RSBN1L: variants seen among roughly 807,000 people sequenced by gnomAD.
RSBN1L encodes lysine-specific demethylase RSBN1L.
RSBN1L carries 30 observed loss-of-function variants against 67.7 expected under a neutral mutation model. That is an observed-to-expected ratio of 0.44 (90% CI 0.33 to 0.60). The LOEUF is 0.60. Ranked by LOEUF, RSBN1L falls within the 20% of genes least tolerant of loss-of-function variation. RSBN1L has a pLI of 0.02. For missense variants in RSBN1L, 992 were observed against 1,031.7 expected (o/e 0.96, Z 0.53); for synonymous variants, 433 against 387.0 (o/e 1.12, Z -1.39).
At chr7:77,700,686 G>C (rs1188576823) in intron 1 of RSBN1L, among the ~76,000 whole-genome samples, 1 of 152,084 alleles carries the variant, frequency 6.6e-6, no homozygotes, top group African/African-American at 2.4e-5. Flanking sequence ...AATTTACTAT[G>C]ATTTTATTTT....
At chr7:77,770,203 G>A (rs971668039) in intron 5 of RSBN1L, among the ~76,000 whole-genome samples, 6 of 151,960 alleles carry the variant, frequency 3.9e-5, no homozygotes, top group Non-Finnish European at 7.4e-5. Flanking sequence ...AGGAAACCCC[G>A]TCTCTACTAA....
chr7:77,703,946 C>T (rs1790854773), intron 1 of RSBN1L, among the ~76,000 whole-genome samples: 1 of 152,096 alleles, frequency 6.6e-6, no homozygotes, highest in African/African-American at 2.4e-5. Flanking sequence ...TGCAACCACG[C>T]CCCGATACAC....
chr7:77,765,492 C>T lies in RSBN1L; in HGVS notation c.1345-3C>T, dbSNP rs760879520. The T allele has an allele frequency of 2.6e-6, 4 of 1,527,476 alleles. No homozygotes were observed. Among genetic ancestry groups the T allele is most frequent in the South Asian group, 2.7e-5 (2 of 75,344 alleles). 94.6% of individuals were successfully genotyped at this position (1,527,476 alleles called of 1,614,324 possible). On this transcript the variant is annotated splice_polypyrimidine_tract_variant and splice_region_variant and intron_variant, in intron 3 of 7. Coordinates refer to ENST00000334955, the MANE Select transcript of RSBN1L (RefSeq NM_198467.3). ...ACTTTTAATTAAATCCATGTTTCTT[C>T]AGGTAAAAAGAACGTATTCTCATGG...
chr7:77,775,402 G>T (rs534453522), intron 6 of RSBN1L, among the ~76,000 whole-genome samples: 3 of 152,206 alleles, frequency 2.0e-5, no homozygotes, highest in East Asian at 1.9e-4. Context: ...GGGCATGCAT[G>T]CCTATAACGC....
intron 3 of RSBN1L, among the ~76,000 whole-genome samples, chr7:77,763,475 A>T (rs1430490581): frequency 1.3e-5 from 2 of 152,180 alleles, no homozygotes; most frequent in Non-Finnish European, 1.5e-5. Flanking sequence ...TAGAGTTGAG[A>T]TTGATACCCT....
intron 3 of RSBN1L, among the ~76,000 whole-genome samples, chr7:77,757,499 G>A (rs568873948): frequency 4.5e-4 from 69 of 152,320 alleles, no homozygotes; most frequent in Non-Finnish European, 6.5e-4. Flanking sequence ...TTTTCCCAAA[G>A]TTTGTAACCT....
Position 77,779,148 on chromosome 7 carries a change from G to C in RSBN1L, c.2521G>C (p.Asp841His). ...SSAHSNQDKK[D>H]DDILC ...AGCACATTCAAATCAAGATAAAAAA[G>C]ACGATGACATTTTGTGCTAAATTTG... Residue 841 changes from aspartate (D) to histidine (H), a missense_variant, in exon 8 of 8, where the codon GAC (aspartate) becomes CAC (histidine). This residue lies in a region of RSBN1L where 199 missense variants were observed against 167.7 expected (regional missense o/e 1.19). Coordinates refer to ENST00000334955, the MANE Select transcript of RSBN1L (RefSeq NM_198467.3). The C allele has an allele frequency of 6.3e-7, 1 of 1,582,332 alleles. No homozygotes were observed.
At position 77,696,974 on chromosome 7, in the gene RSBN1L, A is replaced by C. The variant is rs777264065; in HGVS notation, c.505A>C (p.Arg169=). Residue 169 remains arginine (R), a synonymous_variant, in exon 1 of 8, where the codon AGG becomes CGG. Transcript: ENST00000334955. The part of the protein sequence containing the change: ...RPKEKREKER[R]RHGLGGAREA... Reference sequence around the variant, plus strand: ...TAAGGAGAAGCGGGAGAAGGAGAGGAGGAGGCACGGTCTCGGTGGGGCCCG... The same window carrying C: ...TAAGGAGAAGCGGGAGAAGGAGAGGCGGAGGCACGGTCTCGGTGGGGCCCG... 1.3e-6 allele frequency: 2 copies of C among 1,561,786 alleles called. No homozygotes were observed. Among genetic ancestry groups the C allele is most frequent in the Non-Finnish European group, 8.6e-7 (1 of 1,162,030 alleles).
chr7:77,713,181 A>G (rs1790998018), intron 1 of RSBN1L, among the ~76,000 whole-genome samples: 1 of 151,966 alleles, frequency 6.6e-6, no homozygotes, highest in African/African-American at 2.4e-5. Flanking sequence ...GATTTGTGAA[A>G]CTTTGTATAT....
At chr7:77,770,448 G>A (rs528945698) in intron 5 of RSBN1L, among the ~76,000 whole-genome samples, 100 of 152,108 alleles carry the variant, frequency 6.6e-4, no homozygotes, top group Non-Finnish European at 7.2e-4. Flanking sequence ...GGGTGGCCGA[G>A]GTGGGAGGAT....
intron 1 of RSBN1L, among the ~76,000 whole-genome samples, chr7:77,719,935 T>C (rs1584280272): frequency 6.6e-6 from 1 of 152,160 alleles, no homozygotes; most frequent in Non-Finnish European, 1.5e-5. Context: ...TGGCTAATTA[T>C]TGTATTTTCC....
chr7:77,696,613 G>T lies in RSBN1L; in HGVS notation c.144G>T (p.Glu48Asp). ...GSLSAKKVRT[E>D]EKKAPRRVNG... ...TGTCCGCCAAGAAGGTCCGGACTGA[G>T]GAGAAGAAGGCACCGCGGAGAGTGA... The change falls in exon 1 of 8, where the codon GAG (glutamate) becomes GAT (aspartate). Residue 48 changes from glutamate to aspartate, a missense_variant. Transcript: ENST00000334955. 6.2e-7 allele frequency: 1 copy of T among 1,614,088 alleles called. No homozygotes were observed. The highest frequency in any genetic ancestry group is 8.5e-7 in the Non-Finnish European group (1 of 1,179,992).
intron 3 of RSBN1L, among the ~76,000 whole-genome samples, chr7:77,756,154 CAG>C (rs1274283029): frequency 1.2e-4 from 18 of 151,374 alleles, no homozygotes; most frequent in African/African-American, 4.1e-4. Context: ...TTTTTTGAGA[CAG>C]AGTCTAGCTC....
chr7:77,764,963 A>G (rs1562808485), intron 3 of RSBN1L, among the ~76,000 whole-genome samples: 1 of 152,106 alleles, frequency 6.6e-6, no homozygotes, highest in Non-Finnish European at 1.5e-5. Flanking sequence ...TTCTCATGAG[A>G]GTTAATAATA....
At chr7:77,726,943 G>A (rs1429546811) in intron 1 of RSBN1L, among the ~76,000 whole-genome samples, 3 of 151,186 alleles carry the variant, frequency 2.0e-5, no homozygotes, top group Non-Finnish European at 2.9e-5. Flanking sequence ...CACTGTGCCC[G>A]GCCTAATTTT....
At chr7:77,760,310 A>G (rs1028696847) in intron 3 of RSBN1L, among the ~76,000 whole-genome samples, 2 of 152,172 alleles carry the variant, frequency 1.3e-5, no homozygotes, top group Non-Finnish European at 2.9e-5. Flanking sequence ...GGCAATGGGT[A>G]CAATAGGTCT....
intron 1 of RSBN1L, among the ~76,000 whole-genome samples, chr7:77,710,555 G>A (rs550062327): frequency 2.0e-5 from 3 of 151,904 alleles, no homozygotes; most frequent in African/African-American, 7.3e-5. Flanking sequence ...CCTTCACTTT[G>A]TTCTTCTCTT....
chr7:77,697,107 C>A, intron 1 of RSBN1L, 52 bp downstream of exon 1: 4 of 1,319,554 alleles, frequency 3.0e-6, no homozygotes, highest in Non-Finnish European at 3.8e-6. Flanking sequence ...TCCCCGCCGC[C>A]CCCTGGCGCC....
intron 5 of RSBN1L, 97 bp from the exon 6 acceptor site, chr7:77,773,050 A>C: frequency 1.6e-6 from 1 of 614,990 alleles, no homozygotes; most frequent in Non-Finnish European, 2.6e-6. Flanking sequence ...TTTGAGAGCA[A>C]ATTTCATATA....
Sources: gnomAD v4.1 joint callset for allele counts (sites outside exome capture counted in the v4.1 genomes callset) on GRCh38, gnomAD v4.1.1 for gene constraint, gnomAD v4.1.1 regional missense constraint, MANE v1.5 for transcripts, NCBI Gene and HGNC (gene_info 2026-07-23, HGNC 2026-07-21) for gene names.